ST8SIA6: variants seen among roughly 807,000 people sequenced by gnomAD.
The protein encoded by ST8SIA6 is ST8 alpha-N-acetyl-neuraminide alpha-2,8-sialyltransferase 6.
ST8SIA6 carries 39 observed loss-of-function variants against 33.6 expected under a neutral mutation model. The observed-to-expected ratio is 1.16, with a 90% CI of 0.90 to 1.52. The LOEUF (loss-of-function observed/expected upper bound fraction) is 1.52. Ranked by LOEUF, ST8SIA6 falls within the 40% of genes most tolerant of loss-of-function variation. The probability of loss-of-function intolerance (pLI) is 0.00; values close to 1 mark genes in which losing one functional copy is unlikely to be tolerated. For missense variants in ST8SIA6, 441 were observed against 443.8 expected (o/e 0.99, Z 0.06); for synonymous variants, 172 against 167.2 (o/e 1.03, Z -0.22).
At position 17,429,510 on chromosome 10, in the gene ST8SIA6, T is replaced by A. The variant is rs1349002215; in HGVS notation, c.200+24049A>T. Among the ~76,000 whole-genome samples the A allele has an allele frequency of 2.0e-5, 3 of 151,946 alleles. No individual in the cohort carries two copies. The East Asian group carries it at 5.8e-4, about 29-fold the overall frequency. Reference sequence around the variant, plus strand: ...GGGAAGCCCTTCCAACTGCCTCTCCTCCCTTTCACTTTCTCCCTGTGTGTT... The same window carrying A: ...GGGAAGCCCTTCCAACTGCCTCTCCACCCTTTCACTTTCTCCCTGTGTGTT... On this transcript the variant is annotated intron_variant, in intron 2 of 7. Transcript: ENST00000377602.
chr10:17,347,953 C>CAAAAAAAAAAAAAAAAAAAAAAAAAAAA (rs55996465), intron 4 of ST8SIA6, among the ~76,000 whole-genome samples: 11 of 68,630 alleles, frequency 1.6e-4, no homozygotes, highest in East Asian at 4.1e-4. Context: ...GACTCTGTCT[C>CAAAAAAAAAAAAAAAAAAAAAAAAAAAA]AAAAAAAAAA....
At chr10:17,386,607 T>C (rs1317150502) in intron 3 of ST8SIA6, among the ~76,000 whole-genome samples, 1 of 152,192 alleles carries the variant, frequency 6.6e-6, no homozygotes, top group Non-Finnish European at 1.5e-5. Context: ...TCCTTCCTCC[T>C]GCAAGGCTCT....
intron 6 of ST8SIA6, among the ~76,000 whole-genome samples, chr10:17,324,650 G>T (rs1848062380): frequency 6.7e-6 from 1 of 150,318 alleles, no homozygotes; most frequent in African/African-American, 2.4e-5. Context: ...AGTCTAAAAT[G>T]CCTGTGTTTC....
chr10:17,347,113 T>C (rs144687193), intron 4 of ST8SIA6, among the ~76,000 whole-genome samples: 7 of 152,334 alleles, frequency 4.6e-5, no homozygotes, highest in African/African-American at 1.4e-4. Flanking sequence ...TTAATGTCAA[T>C]TGATTGTTGA....
intron 3 of ST8SIA6, among the ~76,000 whole-genome samples, chr10:17,375,178 C>T (rs766834379): frequency 1.1e-4 from 17 of 152,166 alleles, no homozygotes; most frequent in South Asian, 4.2e-4. Context: ...ATGTACACAT[C>T]GCTTTAAAAA....
intron 4 of ST8SIA6, among the ~76,000 whole-genome samples, chr10:17,355,836 G>A (rs759215156): frequency 9.2e-5 from 14 of 152,056 alleles, no homozygotes; most frequent in Admixed American, 3.3e-4. Context: ...TTTATCTTGC[G>A]TACCTAATAG....
In ST8SIA6 at chr10:17,321,132, C is replaced by T. The variant is rs200933958; in HGVS notation, c.943G>A (p.Gly315Ser). 409 of 1,613,934 alleles carry T rather than the reference C, an allele frequency of 2.5e-4. 1 individual carries two copies. The highest frequency in any genetic ancestry group is 3.2e-4 in the Non-Finnish European group (382 of 1,179,982). Residue 315 changes from glycine (G) to serine (S), a missense_variant, in exon 8 of 8, where the codon GGT becomes AGT. By Grantham distance (56) the Gly-to-Ser change is moderately conservative. Coordinates refer to ENST00000377602, the MANE Select transcript of ST8SIA6 (RefSeq NM_001004470.3). ...GTGGACAAGCGGTATGCAGTCACAC[C>T]TTTAGTTCTCCAGAAAAGGGCCAGA... ...KDLALFWRTK[G>S]VTAYRLSTGL...
intron 3 of ST8SIA6, among the ~76,000 whole-genome samples, chr10:17,380,833 GTA>G (rs879766023): frequency 0.18 from 21,447 of 115,960 alleles, 2,547 homozygotes; most frequent in East Asian, 0.44. Flanking sequence ...TTGTGTGTTT[GTA>G]TGTGTACGTT....
At chr10:17,437,700 TCCTTCCCTTCCTTC>T (rs1479060595) in intron 2 of ST8SIA6, among the ~76,000 whole-genome samples, 2 of 148,016 alleles carry the variant, frequency 1.4e-5, no homozygotes, top group African/African-American at 5.0e-5. Flanking sequence ...TCCCTTCCCT[TCCTTCCCTTCCTTC>T]CCTTCCCTCC....
chr10:17,358,019 C>T (rs912583670), intron 4 of ST8SIA6, among the ~76,000 whole-genome samples: 1 of 152,102 alleles, frequency 6.6e-6, no homozygotes, highest in African/African-American at 2.4e-5. Context: ...AATCCAGTCT[C>T]AAATAGATTG....
At chr10:17,453,779 TCCCCAG>T in intron 1 of ST8SIA6, 122 bp from the exon 2 acceptor site, 1 of 703,528 alleles carries the variant, frequency 1.4e-6, no homozygotes, top group Non-Finnish European at 2.0e-6. Context: ...CCAGGCCAGG[TCCCCAG>T]CCCCAGAGTT....
In ST8SIA6 at chr10:17,415,599, A is replaced by G. The variant is rs1851577510; in HGVS notation, c.201-24979T>C. 3.3e-5 allele frequency among the ~76,000 whole-genome samples: 5 copies of G among 152,140 alleles called. No homozygotes were observed. The South Asian group carries it at 1.0e-3, about 32-fold the overall frequency. On this transcript the variant is annotated intron_variant, in intron 2 of 7. Coordinates refer to ENST00000377602, the MANE Select transcript of ST8SIA6 (RefSeq NM_001004470.3). ...ATAAGCTTCTAAATCCCATTGGGTCATTGGACACTCACCTTCCTGGAATGC... is the reference window on the plus strand; with the variant it reads ...ATAAGCTTCTAAATCCCATTGGGTCGTTGGACACTCACCTTCCTGGAATGC...
intron 2 of ST8SIA6, among the ~76,000 whole-genome samples, chr10:17,447,495 A>T (rs78558340): frequency 6.6e-6 from 1 of 152,118 alleles, no homozygotes; most frequent in African/African-American, 2.4e-5. Flanking sequence ...TCAAATATCT[A>T]AAGTTTCATG....
chr10:17,432,889 C>G (rs760039055), intron 2 of ST8SIA6, among the ~76,000 whole-genome samples: 21 of 152,228 alleles, frequency 1.4e-4, no homozygotes, highest in Non-Finnish European at 2.6e-4. Flanking sequence ...TCAAATAAGA[C>G]AAACGCCAAC....
intron 2 of ST8SIA6, among the ~76,000 whole-genome samples, chr10:17,430,237 C>A (rs1281945743): frequency 2.0e-5 from 3 of 152,170 alleles, no homozygotes; most frequent in Non-Finnish European, 2.9e-5. Context: ...TATTTTGTTT[C>A]TTCTTATGGC....
In ST8SIA6 at chr10:17,453,601, GT is replaced by G. The variant is rs754576924; in HGVS notation, c.157del (p.Thr53ArgfsTer18). ...TACCGCGGTCGCCGGGCTCCGGAGCGTCCTCAGCGCTGCGGGGGTGCCGTGG... is the reference window on the plus strand; with the variant it reads ...TACCGCGGTCGCCGGGCTCCGGAGCGCCTCAGCGCTGCGGGGGTGCCGTGG... ...ATHGTPAALR[T>X]LRSPATAVPR... On this transcript the variant is annotated frameshift_variant, in exon 2 of 8. Transcript: ENST00000377602. LOFTEE classifies it high-confidence loss of function. The G allele has an allele frequency of 2.4e-5, 32 of 1,332,700 alleles. No individual in the cohort carries two copies. The highest frequency in any genetic ancestry group is 3.1e-5 in the Non-Finnish European group (32 of 1,034,062). The allele number at this position is 1,332,700 out of a possible 1,614,324, so 82.6% of individuals were successfully genotyped here. A position where few individuals can be genotyped will look rare whatever the true frequency, so the allele number is the denominator to read the frequency against.
chr10:17,325,801 A>G (rs1472232449), intron 6 of ST8SIA6, among the ~76,000 whole-genome samples: 1 of 152,210 alleles, frequency 6.6e-6, no homozygotes, highest in African/African-American at 2.4e-5. Context: ...TGTGGAATCT[A>G]GAAACATAGA....
rs1305887423 is a variant in ST8SIA6, at chr10:17,431,605, G to A, written c.200+21954C>T. Among the ~76,000 whole-genome samples, 3 of 152,160 alleles carry A rather than the reference G, an allele frequency of 2.0e-5. No individual in the cohort carries two copies. In the East Asian group the frequency reaches 5.8e-4, roughly 29 times the overall value. ...AGGAAAGAATTCAGAAAGCCAGCGT[G>A]AGATCCTCTCTGTCCTAAAAACAAC... On this transcript the variant is annotated intron_variant, in intron 2 of 7. Coordinates refer to ENST00000377602, the MANE Select transcript of ST8SIA6 (RefSeq NM_001004470.3).
chr10:17,356,460 T>C (rs913553857), intron 4 of ST8SIA6, among the ~76,000 whole-genome samples: 17 of 151,916 alleles, frequency 1.1e-4, no homozygotes, highest in African/African-American at 3.1e-4. Context: ...TTTAGATCAC[T>C]GCAACCTCTG....
Sources: allele counts gnomAD v4.1 joint callset (sites outside exome capture counted in the v4.1 genomes callset), GRCh38; gene constraint gnomAD v4.1.1; transcripts MANE v1.5; gene names NCBI Gene and HGNC (gene_info 2026-07-23, HGNC 2026-07-21).